The following SYNJ2 variants were observed in gnomAD, a reference collection of about 807,000 sequenced individuals.
SYNJ2 encodes the protein polyphosphatidylinositol phosphatase SYNJ2.
In SYNJ2, 116 loss-of-function variants were observed where a neutral mutation model predicts 141.3. The observed-to-expected ratio is 0.82, with a 90% CI of 0.71 to 0.96. The LOEUF is 0.96. Ranked by LOEUF, SYNJ2 falls within the 40% of genes least tolerant of loss-of-function variation. The pLI is 0.00. For missense variants in SYNJ2, 1,873 were observed against 1,934.8 expected (o/e 0.97, Z 0.60); for synonymous variants, 745 against 777.7 (o/e 0.96, Z 0.70).
intron 1 of SYNJ2, among the ~76,000 whole-genome samples, chr6:158,005,806 T>C (rs1778047494): frequency 6.6e-6 from 1 of 152,050 alleles, no homozygotes; most frequent in African/African-American, 2.4e-5. Flanking sequence ...GTCCTCTCAT[T>C]CCACCCCAAA....
chr6:158,033,520 TC>T lies in SYNJ2; in HGVS notation c.552del (p.Ile185SerfsTer39). 2 of 1,614,194 alleles carry T rather than the reference TC, an allele frequency of 1.2e-6. No individual in the cohort carries two copies. Among genetic ancestry groups the T allele is most frequent in the Non-Finnish European group, 1.7e-6 (2 of 1,180,046 alleles). On this transcript the variant is annotated frameshift_variant, in exon 4 of 27. Coordinates refer to ENST00000355585, the MANE Select transcript of SYNJ2 (RefSeq NM_003898.4). LOFTEE classifies it high-confidence loss of function. ...QVSCCDWLLK[I>X]ICGVVTIRTV... ...AGCTGCTGTGACTGGCTGCTGAAGATCATCTGCGGGGTGGTCACCATCCGCA... is the reference window on the plus strand; with the variant it reads ...AGCTGCTGTGACTGGCTGCTGAAGATATCTGCGGGGTGGTCACCATCCGCA...
rs62437064 is a variant in SYNJ2 at position 158,032,316 on chromosome 6, C to T, written c.486-1139C>T. ...GATTTCCAGCAATGAGAAAATGCTG[C>T]TGCTGTCTTTGAGGAAGGCTCAAGG... On this transcript the variant is annotated intron_variant, in intron 3 of 26. Coordinates refer to ENST00000355585, the MANE Select transcript of SYNJ2 (RefSeq NM_003898.4). Among the ~76,000 whole-genome samples, 4 of 152,360 alleles carry T rather than the reference C, an allele frequency of 2.6e-5. No homozygotes were observed. In the South Asian group the frequency reaches 6.2e-4, roughly 24 times the overall value.
At chr6:158,029,530 A>G (rs1019358765) in intron 3 of SYNJ2, 1 of 152,902 alleles carries the variant, frequency 6.5e-6, no homozygotes, top group African/African-American at 2.4e-5. Context: ...GTGCTACTAC[A>G]CTCCACCCTG....
intron 1 of SYNJ2, among the ~76,000 whole-genome samples, chr6:158,010,888 G>T (rs1478747922): frequency 6.7e-6 from 1 of 148,992 alleles, no homozygotes; most frequent in Non-Finnish European, 1.5e-5. Context: ...GACAACGGGG[G>T]AATGCCAAAA....
In SYNJ2 at chr6:158,070,553, G is replaced by A. The variant is rs1418531093; in HGVS notation, c.1940+880G>A. ...GGGCGGGGTGAGGGTGAGAGGTAAA[G>A]CATTTGAGAAAGGGCTCAGAGCTGA... On this transcript the variant is annotated intron_variant, in intron 14 of 26. Transcript: ENST00000355585. The surrounding 1 kb of genome is among the most constrained non-coding windows in gnomAD (Gnocchi z 4.0). The A allele has an allele frequency of 4.1e-6, 4 of 976,854 alleles. No homozygotes were observed. In the African/African-American group the frequency reaches 7.0e-5, roughly 17 times the overall value. The allele number at this position is 976,854 out of a possible 1,614,324, so 60.5% of individuals were successfully genotyped here.
chr6:158,056,800 CAGAT>C (rs1162336465), intron 6 of SYNJ2, among the ~76,000 whole-genome samples: 1 of 152,240 alleles, frequency 6.6e-6, no homozygotes, highest in Non-Finnish European at 1.5e-5. Flanking sequence ...AACCTTCACA[CAGAT>C]AGTTTTTCTT....
chr6:158,093,979 C>T (rs1783639569), intron 26 of SYNJ2: 1 of 765,190 alleles, frequency 1.3e-6, no homozygotes, highest in Non-Finnish European at 2.4e-6. Flanking sequence ...CAAAGACTGG[C>T]ATCTGTAGAC....
intron 2 of SYNJ2, among the ~76,000 whole-genome samples, chr6:158,019,070 C>G (rs555869230): frequency 6.6e-6 from 1 of 152,362 alleles, no homozygotes; most frequent in Non-Finnish European, 1.5e-5. Context: ...GCAGGGATGC[C>G]GCGTTCCATC....
rs959758472 is a variant in SYNJ2, at chr6:158,088,339, A to G, written c.3344-321A>G. ...ATATTTTAAAAATCTGGTCCTAGCA[A>G]TAGTATTTGGAACCATTTCAAAATC... On this transcript the variant is annotated intron_variant, in intron 23 of 26. Transcript: ENST00000355585. Among the ~76,000 whole-genome samples the G allele has an allele frequency of 3.3e-5, 5 of 151,992 alleles. No homozygotes were observed. In the South Asian group the frequency reaches 6.2e-4, roughly 19 times the overall value.
At chr6:158,083,685 C>A in intron 21 of SYNJ2, 88 bp downstream of exon 21, 1 of 1,549,614 alleles carries the variant, frequency 6.5e-7, no homozygotes, top group Non-Finnish European at 8.8e-7. Context: ...GCCTCCCTTG[C>A]AGAAGTGACG....
chr6:157,986,095 C>T (rs1370959640), intron 1 of SYNJ2, among the ~76,000 whole-genome samples: 1 of 152,182 alleles, frequency 6.6e-6, no homozygotes, highest in Admixed American at 6.5e-5. Context: ...GAATTTTGAT[C>T]TGCTAGAGAG....
In SYNJ2 at chr6:158,044,362, C is replaced by T. The variant is rs147078014; in HGVS notation, c.795+963C>T. ...TCACTTGTCCCCATGGCTGTCAGCACGCTGCAGTGACAGCATTGGTGAAGT... is the reference window on the plus strand; with the variant it reads ...TCACTTGTCCCCATGGCTGTCAGCATGCTGCAGTGACAGCATTGGTGAAGT... On this transcript the variant is annotated intron_variant, in intron 5 of 26. Transcript: ENST00000355585. 3.0e-3 allele frequency among the ~76,000 whole-genome samples: 459 copies of T among 152,312 alleles called. 5 individuals carry two copies. The highest frequency in any genetic ancestry group is 0.011 in the African/African-American group (442 of 41,566).
chr6:158,049,944 G>A (rs1380367326), intron 5 of SYNJ2, among the ~76,000 whole-genome samples: 1 of 152,052 alleles, frequency 6.6e-6, no homozygotes, highest in Non-Finnish European at 1.5e-5. Flanking sequence ...AGCTCTGCAG[G>A]TGGGGACATG....
At chr6:158,075,703 C>T (rs1782240657) in intron 16 of SYNJ2, among the ~76,000 whole-genome samples, 1 of 152,028 alleles carries the variant, frequency 6.6e-6, no homozygotes. Context: ...TTTGGACGTT[C>T]TTCGAGGTTT....
chr6:158,086,952 T>A lies in SYNJ2; in HGVS notation c.3306T>A (p.Pro1102=), dbSNP rs1241784831. The A allele has an allele frequency of 2.5e-6, 4 of 1,603,266 alleles. No homozygotes were observed. The highest frequency in any genetic ancestry group is 1.7e-6 in the Non-Finnish European group (2 of 1,178,438). The change falls in exon 23 of 27, where the codon CCT becomes CCA. Residue 1102 remains proline (P), a synonymous_variant. Transcript: ENST00000355585. ...GGTCTCTGTCGGTCCCCAACCGGCC[T>A]CGGCCACCTCAACCCCCGCAGAGAC... ...PSRSLSVPNR[P]RPPQPPQRPP... is the part of the protein sequence containing the mutation.
intron 7 of SYNJ2, among the ~76,000 whole-genome samples, chr6:158,060,729 A>C (rs142492232): frequency 1.7e-3 from 265 of 152,394 alleles, no homozygotes; most frequent in African/African-American, 6.1e-3. Flanking sequence ...AAAAATAAGA[A>C]TAATAATAAG....
At position 158,040,753 on chromosome 6, in the gene SYNJ2, A is replaced by G. The variant is rs557768844; in HGVS notation, c.712-2563A>G. Among the ~76,000 whole-genome samples, 15 of 152,240 alleles carry G rather than the reference A, an allele frequency of 9.9e-5. No individual in the cohort carries two copies. The highest frequency in any genetic ancestry group is 9.8e-4 in the Admixed American group (15 of 15,292). On this transcript the variant is annotated intron_variant, in intron 4 of 26. Coordinates refer to ENST00000355585, the MANE Select transcript of SYNJ2 (RefSeq NM_003898.4). This position sits in a 1 kb window ranked among gnomAD's most constrained non-coding sequence, Gnocchi z 4.2. ...TTTCCTGCCTCGTCGCTCTCTTTTT[A>G]TGGCCATTAGGTTTCTGTTCCCACT... is the stretch of plus-strand genomic sequence containing the variant.
chr6:158,092,669 A>C (rs1402868285), intron 25 of SYNJ2, among the ~76,000 whole-genome samples: 8 of 151,834 alleles, frequency 5.3e-5, no homozygotes, highest in Admixed American at 6.6e-5. Flanking sequence ...GGAGGCTGAA[A>C]TGGGAGAATT....
chr6:158,080,142 G>A (rs1460387013), intron 18 of SYNJ2, among the ~76,000 whole-genome samples: 6 of 152,082 alleles, frequency 3.9e-5, no homozygotes, highest in Admixed American at 3.3e-4. Context: ...ATTGCGTAGG[G>A]TATTATATGA....
Sources: allele counts gnomAD v4.1 joint callset (sites outside exome capture counted in the v4.1 genomes callset), GRCh38; gene constraint gnomAD v4.1.1; non-coding constraint Gnocchi (gnomAD v3.1); transcripts MANE v1.5; gene names NCBI Gene and HGNC (gene_info 2026-07-23, HGNC 2026-07-21).